Variants in MSRA observed in about 807,000 individuals in gnomAD.
MSRA encodes the protein methionine sulfoxide reductase A.
A neutral mutation model predicts 31.3 loss-of-function variants in MSRA; 54 were observed. The ratio of observed to expected loss-of-function variants is 1.73; its 90% CI spans 1.39 to 2.17. The LOEUF (loss-of-function observed/expected upper bound fraction) is 2.17, where lower values mean the gene tolerates loss of function less well. Among genes scored for constraint, MSRA ranks in the 30% most tolerant of loss-of-function variants. The probability of loss-of-function intolerance (pLI) is 0.00; values close to 1 mark genes in which losing one functional copy is unlikely to be tolerated. For synonymous variants in MSRA, 169 were observed against 116.5 expected, an observed-to-expected ratio of 1.45 and a Z score of -2.90; for missense variants, 507 against 300.9, an observed-to-expected ratio of 1.69 and a Z score of -5.07.
intron 1 of MSRA, among the ~76,000 whole-genome samples, chr8:10,157,873 C>G (rs190591167): frequency 1.3e-5 from 2 of 152,198 alleles, no homozygotes; most frequent in Admixed American, 6.5e-5. Context: ...TGACATATAA[C>G]TCACATACCG....
chr8:10,286,534 T>G (rs1184993978), intron 3 of MSRA, among the ~76,000 whole-genome samples: 1 of 152,228 alleles, frequency 6.6e-6, no homozygotes, highest in Non-Finnish European at 1.5e-5. Flanking sequence ...CTCTTTATTT[T>G]GTAAGTTGCC....
chr8:10,076,174 A>G (rs374515462), intron 1 of MSRA, among the ~76,000 whole-genome samples: 2 of 152,232 alleles, frequency 1.3e-5, no homozygotes, highest in Admixed American at 1.3e-4. Flanking sequence ...TAGATGAGAT[A>G]ATAAGGAAAG....
chr8:10,369,363 C>G (rs1298837126), intron 5 of MSRA, among the ~76,000 whole-genome samples: 1 of 152,106 alleles, frequency 6.6e-6, no homozygotes, highest in Non-Finnish European at 1.5e-5. Flanking sequence ...CTACTGCCCC[C>G]CTAATGGTTG....
intron 3 of MSRA, among the ~76,000 whole-genome samples, chr8:10,282,523 C>T (rs774777047): frequency 6.6e-6 from 1 of 152,128 alleles, no homozygotes; most frequent in South Asian, 2.1e-4. Context: ...ATTCTGTGTC[C>T]CCTTGGTGTC....
intron 3 of MSRA, among the ~76,000 whole-genome samples, chr8:10,248,684 G>A (rs1386732921): frequency 5.3e-5 from 8 of 152,160 alleles, no homozygotes; most frequent in South Asian, 4.1e-4. Flanking sequence ...ACCCCAAATC[G>A]GAGTTGTGAC....
At chr8:10,259,472 G>A (rs1798354930) in intron 3 of MSRA, among the ~76,000 whole-genome samples, 1 of 152,072 alleles carries the variant, frequency 6.6e-6, no homozygotes, top group African/African-American at 2.4e-5. Flanking sequence ...AGGTGTGTAG[G>A]GACCCGTGAC....
chr8:10,137,543 G>T (rs1422120258), intron 1 of MSRA, among the ~76,000 whole-genome samples: 3 of 152,132 alleles, frequency 2.0e-5, no homozygotes, highest in African/African-American at 7.2e-5. Flanking sequence ...TATAACAAAC[G>T]AACTAACCCA....
At chr8:10,071,843 C>T (rs892020916) in intron 1 of MSRA, among the ~76,000 whole-genome samples, 8 of 152,088 alleles carry the variant, frequency 5.3e-5, no homozygotes, top group Non-Finnish European at 7.3e-5. Flanking sequence ...CACTTGTGCC[C>T]GCTGTATCTC....
At chr8:10,269,721 G>A (rs1798930438) in intron 3 of MSRA, among the ~76,000 whole-genome samples, 1 of 152,104 alleles carries the variant, frequency 6.6e-6, no homozygotes, top group African/African-American at 2.4e-5. Flanking sequence ...CTTGATCTCG[G>A]CTCACTGCAA....
intron 1 of MSRA, among the ~76,000 whole-genome samples, chr8:10,201,951 C>T (rs1373756298): frequency 6.6e-6 from 1 of 152,240 alleles, no homozygotes; most frequent in African/African-American, 2.4e-5. Flanking sequence ...GTGCCCAACC[C>T]ACCAGTTGGG....
intron 5 of MSRA, among the ~76,000 whole-genome samples, chr8:10,334,208 GTGTGTGTC>G (rs946970664): frequency 1.7e-4 from 25 of 147,512 alleles, no homozygotes; most frequent in South Asian, 4.3e-4. Flanking sequence ...GTGTGTGTGT[GTGTGTGTC>G]TGGGTATATA....
intron 3 of MSRA, among the ~76,000 whole-genome samples, chr8:10,264,625 G>A (rs1230467739): frequency 2.6e-5 from 4 of 152,212 alleles, no homozygotes; most frequent in Admixed American, 1.3e-4. Context: ...GGAGTGAGCA[G>A]GTGGGCATGA....
intron 2 of MSRA, among the ~76,000 whole-genome samples, chr8:10,236,867 A>G (rs2975726): frequency 0.16 from 24,883 of 152,114 alleles, 2,153 homozygotes; most frequent in East Asian, 0.3. Context: ...ATCTTTATGG[A>G]GAAAATTATA....
chr8:10,155,002 T>TTATATATATATA lies in MSRA; in HGVS notation c.143-52830_143-52819dup, dbSNP rs528753270. On this transcript the variant is annotated intron_variant, in intron 1 of 5. Transcript: ENST00000317173. Reference sequence around the variant, plus strand: ...AATAGTTTGATAATGTGTATATATTTTATATATATATAGGTTTTACCTTGC... The same window carrying TTATATATATATA: ...AATAGTTTGATAATGTGTATATATTTTATATATATATATATATATATATAGGTTTTACCTTGC... Among the ~76,000 whole-genome samples, 36 of 123,988 alleles carry TTATATATATATA rather than the reference T, an allele frequency of 2.9e-4. 5 individuals are homozygous for TTATATATATATA. The highest frequency in any genetic ancestry group is 1.2e-3 in the African/African-American group (36 of 30,960). The allele number at this position is 123,988 out of a possible 152,430, so 81.3% of individuals were successfully genotyped here.
intron 3 of MSRA, among the ~76,000 whole-genome samples, chr8:10,256,275 C>T (rs1798174024): frequency 6.6e-6 from 1 of 152,274 alleles, no homozygotes; most frequent in Middle Eastern, 3.4e-3. Context: ...CTTAAGTTTC[C>T]ACCCTGTCTT....
At chr8:10,413,769 C>G (rs183247542) in intron 5 of MSRA, among the ~76,000 whole-genome samples, 5 of 151,756 alleles carry the variant, frequency 3.3e-5, no homozygotes, top group Admixed American at 3.3e-4. Flanking sequence ...GAAGATAAGT[C>G]AATTGATATT....
At chr8:10,280,920 G>T (rs1799589838) in intron 3 of MSRA, among the ~76,000 whole-genome samples, 1 of 152,242 alleles carries the variant, frequency 6.6e-6, no homozygotes. Context: ...TAGAGTGTAT[G>T]ATTCTATTTA....
intron 1 of MSRA, among the ~76,000 whole-genome samples, chr8:10,122,283 A>T (rs2129018575): frequency 6.6e-6 from 1 of 152,324 alleles, no homozygotes; most frequent in Admixed American, 6.5e-5. Flanking sequence ...GAAGCCAAAG[A>T]AAAAGGCACC....
intron 1 of MSRA, among the ~76,000 whole-genome samples, chr8:10,196,461 G>A (rs1220523805): frequency 6.6e-6 from 1 of 151,706 alleles, no homozygotes; most frequent in Non-Finnish European, 1.5e-5. Flanking sequence ...ATGCTGGGGA[G>A]GAAGGAAATA....
Sources: gnomAD v4.1 joint callset for allele counts (sites outside exome capture counted in the v4.1 genomes callset) on GRCh38, gnomAD v4.1.1 for gene constraint, MANE v1.5 for transcripts, NCBI Gene and HGNC (gene_info 2026-07-23, HGNC 2026-07-21) for gene names.